MYT1L: variants seen among roughly 807,000 people sequenced by gnomAD.
MYT1L encodes the protein myelin transcription factor 1-like protein.
Under a neutral mutation model 126.7 loss-of-function variants are expected in MYT1L, and 12 were observed. The observed-to-expected ratio is 0.09, with a 90% CI of 0.06 to 0.15. The LOEUF (loss-of-function observed/expected upper bound fraction) is 0.15. MYT1L is among the 10% of genes least tolerant of loss of function. The pLI, the probability that MYT1L is intolerant of heterozygous loss-of-function variation, is 1.00. For missense variants in MYT1L, 979 were observed against 1,585.2 expected, an observed-to-expected ratio of 0.62 and a Z score of 6.49; for synonymous variants, 541 against 604.2, an observed-to-expected ratio of 0.90 and a Z score of 1.53.
In MYT1L at chr2:2,040,086, T is replaced by C. The variant is rs191124292; in HGVS notation, c.-158+13892A>G. ...CTCAGCATTTAGGAATCCATCTTAA[T>C]ATGTGCTGATCACAGCTGGCGATAT... On this transcript the variant is annotated intron_variant, in intron 4 of 24. Coordinates refer to ENST00000647738, the MANE Select transcript of MYT1L (RefSeq NM_001303052.2). 4.6e-5 allele frequency among the ~76,000 whole-genome samples: 7 copies of C among 152,312 alleles called. No homozygotes were observed. In the East Asian group the frequency reaches 9.7e-4, roughly 21 times the overall value.
chr2:2,250,659 A>T (rs998005179), intron 2 of MYT1L, among the ~76,000 whole-genome samples: 3 of 152,126 alleles, frequency 2.0e-5, no homozygotes, highest in Non-Finnish European at 4.4e-5. Context: ...AAAATAAAAG[A>T]GTATAGTTGG....
chr2:2,134,740 G>A (rs140457443), intron 3 of MYT1L, among the ~76,000 whole-genome samples: 2 of 152,274 alleles, frequency 1.3e-5, no homozygotes, highest in East Asian at 1.9e-4. Flanking sequence ...AGAAATGAAC[G>A]TTGTTTTTTA....
intron 3 of MYT1L, among the ~76,000 whole-genome samples, chr2:2,089,789 CCT>C (rs1037530568): frequency 1.3e-5 from 2 of 152,096 alleles, no homozygotes; most frequent in African/African-American, 4.8e-5. Context: ...TTCATCCACT[CCT>C]CTCCTCTCTC....
intron 1 of MYT1L, among the ~76,000 whole-genome samples, chr2:2,289,770 G>A (rs1366181003): frequency 6.6e-6 from 1 of 152,228 alleles, no homozygotes; most frequent in Non-Finnish European, 1.5e-5. Context: ...TGATATCTGA[G>A]ACGTTAGGTG....
chr2:2,084,760 G>A (rs2076192902), intron 3 of MYT1L, among the ~76,000 whole-genome samples: 1 of 152,188 alleles, frequency 6.6e-6, no homozygotes, highest in African/African-American at 2.4e-5. Flanking sequence ...GTTATTTTAG[G>A]CAACTAAGTA....
chr2:2,268,901 A>G (rs1193981622), intron 2 of MYT1L, among the ~76,000 whole-genome samples: 1 of 152,174 alleles, frequency 6.6e-6, no homozygotes, highest in Non-Finnish European at 1.5e-5. Flanking sequence ...AACCCAAACA[A>G]GCCATTCACA....
chr2:1,952,057 T>G (rs1222065595), intron 8 of MYT1L, among the ~76,000 whole-genome samples: 1 of 152,248 alleles, frequency 6.6e-6, no homozygotes, highest in Non-Finnish European at 1.5e-5. Context: ...TTAAAGTTAT[T>G]TTTTCTCTGT....
chr2:2,317,318 G>A (rs889629826), intron 1 of MYT1L, among the ~76,000 whole-genome samples: 2 of 152,126 alleles, frequency 1.3e-5, no homozygotes, highest in Non-Finnish European at 2.9e-5. Flanking sequence ...GTGTGGTCCT[G>A]CTGATAGCAT....
At chr2:2,231,479 C>T (rs1336110859) in intron 2 of MYT1L, among the ~76,000 whole-genome samples, 1 of 151,706 alleles carries the variant, frequency 6.6e-6, no homozygotes, top group East Asian at 1.9e-4. Context: ...GCTTTGTTGC[C>T]CAGGCTAGAG....
intron 1 of MYT1L, among the ~76,000 whole-genome samples, chr2:2,289,412 A>AT (rs1310768530): frequency 6.6e-6 from 1 of 152,112 alleles, no homozygotes; most frequent in African/African-American, 2.4e-5. Context: ...GCTGATTATC[A>AT]TTTTTTCAGG....
At chr2:2,149,034 A>G (rs2148279389) in intron 3 of MYT1L, among the ~76,000 whole-genome samples, 1 of 152,124 alleles carries the variant, frequency 6.6e-6, no homozygotes, top group Middle Eastern at 3.4e-3. Flanking sequence ...CAAGAGGGAA[A>G]AATCCCATAG....
intron 3 of MYT1L, among the ~76,000 whole-genome samples, chr2:2,069,074 T>C (rs1177851876): frequency 6.6e-6 from 1 of 152,022 alleles, no homozygotes; most frequent in African/African-American, 2.4e-5. Flanking sequence ...GGGCAACATT[T>C]TTTTTTCTTT....
At chr2:2,248,600 T>G (rs2094578390) in intron 2 of MYT1L, among the ~76,000 whole-genome samples, 1 of 152,136 alleles carries the variant, frequency 6.6e-6, no homozygotes, top group Non-Finnish European at 1.5e-5. Context: ...ATATGTCTGA[T>G]AAATATTGAT....
intron 2 of MYT1L, among the ~76,000 whole-genome samples, chr2:2,214,011 A>T (rs2093606478): frequency 6.6e-6 from 1 of 152,102 alleles, no homozygotes; most frequent in African/African-American, 2.4e-5. Context: ...ATTAAATCAA[A>T]TTCTAACAAA....
intron 22 of MYT1L, among the ~76,000 whole-genome samples, chr2:1,807,483 G>A (rs2035899060): frequency 6.6e-6 from 1 of 152,172 alleles, no homozygotes; most frequent in Admixed American, 6.5e-5. Flanking sequence ...CCCAGGTTCA[G>A]CTTTGTAGGG....
intron 4 of MYT1L, among the ~76,000 whole-genome samples, chr2:2,024,669 C>A (rs1386474639): frequency 2.0e-5 from 3 of 152,184 alleles, no homozygotes; most frequent in African/African-American, 7.2e-5. Flanking sequence ...AGCTTCTACT[C>A]CCAAATTTCC....
intron 1 of MYT1L, among the ~76,000 whole-genome samples, chr2:2,290,086 A>G (rs1289368061): frequency 6.6e-6 from 1 of 152,216 alleles, no homozygotes; most frequent in Non-Finnish European, 1.5e-5. Flanking sequence ...CTGCCACATG[A>G]GCTCATGATG....
At chr2:2,247,262 A>C (rs2094552272) in intron 2 of MYT1L, among the ~76,000 whole-genome samples, 1 of 149,378 alleles carries the variant, frequency 6.7e-6, no homozygotes, top group Admixed American at 6.6e-5. Flanking sequence ...ATATATTTCA[A>C]GACAAAAACT....
chr2:2,295,797 G>GAGAGAGATAGAGAGACAGACAGACAGAC (rs2095683364), intron 1 of MYT1L, among the ~76,000 whole-genome samples: 1 of 137,996 alleles, frequency 7.2e-6, no homozygotes, highest in Non-Finnish European at 1.7e-5. Flanking sequence ...CAGACAGAGA[G>GAGAGAGATAGAGAGACAGACAGACAGAC]AGAGAGAGAG....
Sources: gnomAD v4.1 joint callset for allele counts (sites outside exome capture counted in the v4.1 genomes callset) on GRCh38, gnomAD v4.1.1 for gene constraint, MANE v1.5 for transcripts, NCBI Gene and HGNC (gene_info 2026-07-23, HGNC 2026-07-21) for gene names.